HIP1: variants seen among roughly 807,000 people sequenced by gnomAD.
HIP1 encodes the protein huntingtin-interacting protein 1.
Under a neutral mutation model 147.6 loss-of-function variants are expected in HIP1, and 65 were observed. That is an observed-to-expected ratio of 0.44 (90% confidence interval 0.36 to 0.54). The LOEUF is 0.54. Ranked by LOEUF, HIP1 falls within the 20% of genes least tolerant of loss-of-function variation. HIP1 has a pLI of 0.00. For missense variants in HIP1, 1,061 were observed against 1,299.6 expected, an observed-to-expected ratio of 0.82 and a Z score of 2.82; for synonymous variants, 479 against 504.0, an observed-to-expected ratio of 0.95 and a Z score of 0.67.
intron 1 of HIP1, among the ~76,000 whole-genome samples, chr7:75,628,809 G>A (rs930806890): frequency 4.6e-5 from 7 of 152,084 alleles, no homozygotes; most frequent in African/African-American, 1.7e-4. Flanking sequence ...AGCCATCAAA[G>A]GATCACTTTC....
At chr7:75,609,564 C>CT (rs61311867) in intron 1 of HIP1, among the ~76,000 whole-genome samples, 1,633 of 144,908 alleles carry the variant, frequency 0.011, 28 homozygotes, top group African/African-American at 0.036. Flanking sequence ...CTTTTTTTTT[C>CT]TTTTTTTTTT....
chr7:75,678,340 C>CTTT lies in HIP1; in HGVS notation c.120+60458_120+60460dup, dbSNP rs782045169. Among the ~76,000 whole-genome samples the CTTT allele has an allele frequency of 2.4e-3, 210 of 86,286 alleles. 1 individual carries two copies. Among genetic ancestry groups the CTTT allele is most frequent in the Non-Finnish European group, 3.3e-3 (150 of 44,994 alleles). The allele number at this position is 86,286 out of a possible 152,430, so 56.6% of individuals were successfully genotyped here. On this transcript the variant is annotated intron_variant, in intron 1 of 30. Transcript: ENST00000336926. ...GAAGGAGCAGTCTTATTCCTTTATT[C>CTTT]TTTTTTTTTTTTTTTTTTTTTGAGA...
chr7:75,738,307 T>G, intron 1 of HIP1, among the ~76,000 whole-genome samples: 1 of 136,666 alleles, frequency 7.3e-6, no homozygotes, highest in African/African-American at 2.7e-5. Flanking sequence ...GAAAGGGGGA[T>G]GCTAAGGGGT....
At chr7:75,583,505 C>T (rs1554498974) in intron 5 of HIP1, among the ~76,000 whole-genome samples, 1 of 152,128 alleles carries the variant, frequency 6.6e-6, no homozygotes, top group Non-Finnish European at 1.5e-5. Flanking sequence ...AGGGTGTTGA[C>T]AGATTCGGTG....
intron 5 of HIP1, 62 bp from the exon 6 acceptor site, chr7:75,582,213 G>T: frequency 7.5e-7 from 1 of 1,337,256 alleles, no homozygotes; most frequent in Non-Finnish European, 1.1e-6. Context: ...CTCTCAGCCG[G>T]GCGTGGTGGC....
intron 1 of HIP1, among the ~76,000 whole-genome samples, chr7:75,701,101 G>T (rs931630145): frequency 1.1e-4 from 16 of 152,060 alleles, no homozygotes; most frequent in Non-Finnish European, 2.2e-4. Context: ...TCATAAAAAT[G>T]CTACCAAGGT....
At chr7:75,639,931 C>A (rs1798592434) in intron 1 of HIP1, among the ~76,000 whole-genome samples, 1 of 152,174 alleles carries the variant, frequency 6.6e-6, no homozygotes, top group Non-Finnish European at 1.5e-5. Flanking sequence ...CCCACGTGAG[C>A]CACAGCCAGC....
chr7:75,536,915 C>G lies in HIP1; in HGVS notation c.*1257G>C, dbSNP rs1216514900. The G allele has an allele frequency of 8.7e-6, 2 of 231,076 alleles. No homozygotes were observed. The highest frequency in any genetic ancestry group is 4.4e-5 in the African/African-American group (2 of 45,196). The allele number at this position is 231,076 out of a possible 1,614,324, so 14.3% of individuals were successfully genotyped here. A position where few individuals can be genotyped will look rare whatever the true frequency, so the allele number is the denominator to read the frequency against. On this transcript the variant is annotated 3_prime_UTR_variant, in exon 31 of 31. Transcript: ENST00000336926. ...GTAATAAATACTAAGGGTAGCAAAC[C>G]AAGTATAGGGTTCTTCCCTGATGGG...
At chr7:75,710,537 T>C (rs1187447192) in intron 1 of HIP1, among the ~76,000 whole-genome samples, 2 of 152,112 alleles carry the variant, frequency 1.3e-5, no homozygotes, top group Admixed American at 6.6e-5. Context: ...AATTAAGGAG[T>C]GTTCCCTTCT....
At position 75,536,150 on chromosome 7, in the gene HIP1, G is replaced by A. The variant is rs587744565; in HGVS notation, c.*2022C>T. On this transcript the variant is annotated 3_prime_UTR_variant, in exon 31 of 31. Coordinates refer to ENST00000336926, the MANE Select transcript of HIP1 (RefSeq NM_005338.7). ...GCCACAACTGGGACAGGGAAGCCAC[G>A]CACCATTCCTTCTGAGCCTTGAATC... 8 of 198,660 alleles carry A rather than the reference G, an allele frequency of 4.0e-5. No homozygotes were observed. The highest frequency in any genetic ancestry group is 3.1e-4 in the East Asian group (4 of 12,874). The allele number at this position is 198,660 out of a possible 1,614,324, so 12.3% of individuals were successfully genotyped here. A position where few individuals can be genotyped will look rare whatever the true frequency, so the allele number is the denominator to read the frequency against.
chr7:75,536,888 T>A lies in HIP1; in HGVS notation c.*1284A>T, dbSNP rs1794101863. ...TAGGCTGTTGCTGCTTAAGGGAGGT[T>A]AGTAATAAATACTAAGGGTAGCAAA... On this transcript the variant is annotated 3_prime_UTR_variant, in exon 31 of 31. Transcript: ENST00000336926. 1 of 230,760 alleles carries A rather than the reference T, an allele frequency of 4.3e-6. No homozygotes were observed. The highest frequency in any genetic ancestry group is 2.2e-5 in the African/African-American group (1 of 45,184). 14.3% of individuals were successfully genotyped at this position (230,760 alleles called of 1,614,324 possible).
Position 75,651,112 on chromosome 7 carries a change from G to A in HIP1, c.121-51865C>T, listed in dbSNP as rs78905815. The stretch of plus-strand genomic sequence containing the variant: ...GCAAGAGACAGCTGCCCACACAGGA[G>A]GAGGGAGGGGCATGGGGGGACTCAG... On this transcript the variant is annotated intron_variant, in intron 1 of 30. Coordinates refer to ENST00000336926, the MANE Select transcript of HIP1 (RefSeq NM_005338.7). Among the ~76,000 whole-genome samples the A allele has an allele frequency of 9.5e-3, 1,450 of 152,164 alleles. 23 individuals carry two copies. The highest frequency in any genetic ancestry group is 0.032 in the African/African-American group (1,339 of 41,512).
rs2269892 is a variant in HIP1 at position 75,732,074 on chromosome 7, G to A, written c.120+6727C>T. Among the ~76,000 whole-genome samples, 11 of 152,018 alleles carry A rather than the reference G, an allele frequency of 7.2e-5. No individual in the cohort carries two copies. In the East Asian group the frequency reaches 9.7e-4, roughly 13 times the overall value. On this transcript the variant is annotated intron_variant, in intron 1 of 30. Transcript: ENST00000336926. ...CATGAGCAAGAGGGCAGAAGTACCC[G>A]CAACGTAAACATGAAAAAAAGGACT...
At chr7:75,735,706 T>C (rs1554523568) in intron 1 of HIP1, among the ~76,000 whole-genome samples, 1 of 151,652 alleles carries the variant, frequency 6.6e-6, no homozygotes. Flanking sequence ...TTTTTTTTTA[T>C]TTGAGATGGG....
chr7:75,728,080 A>G (rs1315280040), intron 1 of HIP1, among the ~76,000 whole-genome samples: 1 of 152,120 alleles, frequency 6.6e-6, no homozygotes, highest in African/African-American at 2.4e-5. Flanking sequence ...GACCACAACC[A>G]TCTACTGCAT....
Position 75,568,722 on chromosome 7 carries a change from T to C in HIP1, c.746-466A>G, listed in dbSNP as rs1554496021. On this transcript the variant is annotated intron_variant, in intron 8 of 30. Transcript: ENST00000336926. The surrounding 1 kb of genome is among the most constrained non-coding windows in gnomAD (Gnocchi z 4.1). ...CTGTCAGAAGGCAAAGAACAAGGGA[T>C]TGAAGGCCAGGTGCAGTGGCTCACG... Among the ~76,000 whole-genome samples the C allele has an allele frequency of 1.3e-5, 2 of 151,976 alleles. No homozygotes were observed. The highest frequency in any genetic ancestry group is 4.8e-5 in the African/African-American group (2 of 41,394).
intron 2 of HIP1, among the ~76,000 whole-genome samples, chr7:75,595,976 G>A (rs782010393): frequency 7.9e-5 from 12 of 152,094 alleles, no homozygotes; most frequent in Non-Finnish European, 1.0e-4. Context: ...GGTGGCTCAC[G>A]CCTGTAATTG....
rs1295497301 is a variant in HIP1, at chr7:75,665,171, AGGATT to A, written c.121-65929_121-65925del. Among the ~76,000 whole-genome samples the A allele has an allele frequency of 3.0e-4, 46 of 152,044 alleles. 2 individuals are homozygous for A. Among genetic ancestry groups the A allele is most frequent in the Non-Finnish European group, 4.4e-5 (3 of 67,986 alleles). ...CAGCTAGTCAGGGGGTTGAGGGAGGAGGATTGTTTGAGGCCAGGAGTTGGAGGCTA... is the reference window on the plus strand; with the variant it reads ...CAGCTAGTCAGGGGGTTGAGGGAGGAGTTTGAGGCCAGGAGTTGGAGGCTA... On this transcript the variant is annotated intron_variant, in intron 1 of 30. Transcript: ENST00000336926.
chr7:75,646,609 G>A (rs1331572262), intron 1 of HIP1, among the ~76,000 whole-genome samples: 2 of 152,228 alleles, frequency 1.3e-5, no homozygotes, highest in Non-Finnish European at 2.9e-5. Context: ...CCGGTCATCC[G>A]CCTGCCTGTT....
Sources: allele counts gnomAD v4.1 joint callset (sites outside exome capture counted in the v4.1 genomes callset), GRCh38; gene constraint gnomAD v4.1.1; non-coding constraint Gnocchi (gnomAD v3.1); transcripts MANE v1.5; gene names NCBI Gene and HGNC (gene_info 2026-07-23, HGNC 2026-07-21).